The following TMC1 variants were observed in gnomAD, a reference collection of about 807,000 sequenced individuals.
TMC1 encodes the protein transmembrane channel like 1.
In TMC1, 84 loss-of-function variants were observed where a neutral mutation model predicts 105.8. The observed-to-expected ratio is 0.79, with a 90% CI of 0.67 to 0.95. TMC1 has a LOEUF of 0.95. TMC1 is among the 40% of genes least tolerant of loss of function. The pLI is 0.00. For synonymous variants in TMC1, 315 were observed against 311.5 expected (o/e 1.01, Z -0.12); for missense variants, 817 against 914.1 (o/e 0.89, Z 1.37).
chr9:72,820,727 T>A, intron 19 of TMC1, 115 bp from the exon 20 acceptor site: 1 of 1,267,390 alleles, frequency 7.9e-7, no homozygotes, highest in Non-Finnish European at 1.1e-6. Flanking sequence ...TGGTTGAAAG[T>A]GGCAGTGTAT....
intron 13 of TMC1, among the ~76,000 whole-genome samples, chr9:72,779,969 C>G (rs1828066492): frequency 6.6e-6 from 1 of 152,092 alleles, no homozygotes; most frequent in African/African-American, 2.4e-5. Flanking sequence ...CCCACAGATT[C>G]TTTAAGGTCA....
intron 23 of TMC1, among the ~76,000 whole-genome samples, chr9:72,832,475 C>T (rs1375093058): frequency 6.6e-6 from 1 of 152,180 alleles, no homozygotes; most frequent in Non-Finnish European, 1.5e-5. Flanking sequence ...TGTATCCATC[C>T]TTGTGCCAGT....
At chr9:72,802,652 C>A (rs934982618) in intron 17 of TMC1, among the ~76,000 whole-genome samples, 4 of 152,100 alleles carry the variant, frequency 2.6e-5, no homozygotes, top group Non-Finnish European at 5.9e-5. Flanking sequence ...AATAAAGAGA[C>A]CATGTACCAG....
chr9:72,694,504 C>T (rs943175390), intron 6 of TMC1, 39 bp from the exon 7 acceptor site: 1 of 1,599,446 alleles, frequency 6.3e-7, no homozygotes, highest in Middle Eastern at 1.7e-4. Flanking sequence ...GGAGGAAGCA[C>T]TTTCTGACAT....
At chr9:72,772,145 C>T (rs911059882) in intron 12 of TMC1, among the ~76,000 whole-genome samples, 4 of 152,054 alleles carry the variant, frequency 2.6e-5, no homozygotes, top group African/African-American at 7.2e-5. Flanking sequence ...GGGCATTTCA[C>T]GGTAATGGCT....
intron 2 of TMC1, among the ~76,000 whole-genome samples, chr9:72,613,710 A>G (rs1564445129): frequency 1.3e-5 from 2 of 152,048 alleles, no homozygotes; most frequent in African/African-American, 2.4e-5. Flanking sequence ...TGGCTGAACC[A>G]TCCAAAAATA....
At chr9:72,727,709 A>G (rs1425376749) in intron 8 of TMC1, among the ~76,000 whole-genome samples, 1 of 152,098 alleles carries the variant, frequency 6.6e-6, no homozygotes, top group Non-Finnish European at 1.5e-5. Context: ...GTTTTAGGTC[A>G]CATTCTCCCC....
intron 12 of TMC1, among the ~76,000 whole-genome samples, chr9:72,758,106 A>G (rs1186680399): frequency 6.6e-6 from 1 of 152,234 alleles, no homozygotes; most frequent in Admixed American, 6.5e-5. Context: ...TGCTTTAAGG[A>G]ATTTTATATG....
In TMC1 at chr9:72,836,150, G is replaced by T; in HGVS notation, c.*177G>T. On this transcript the variant is annotated 3_prime_UTR_variant, in exon 24 of 24. Coordinates refer to ENST00000297784, the MANE Select transcript of TMC1 (RefSeq NM_138691.3). ...ATCATCAGTCCTACCTGAGCAACAA[G>T]AATCTAAACTTTATTCCAAGTCAGA... The T allele has an allele frequency of 1.4e-6, 1 of 733,518 alleles. No individual in the cohort carries two copies. Among genetic ancestry groups the T allele is most frequent in the Non-Finnish European group, 2.4e-6 (1 of 409,422 alleles). 45.4% of individuals were successfully genotyped at this position (733,518 alleles called of 1,614,324 possible).
intron 8 of TMC1, among the ~76,000 whole-genome samples, chr9:72,728,331 G>C (rs1827156368): frequency 6.6e-6 from 1 of 152,176 alleles, no homozygotes. Context: ...TTGTCATGCA[G>C]ATTCCTCTGG....
intron 3 of TMC1, among the ~76,000 whole-genome samples, chr9:72,617,902 ATG>A (rs1350894291): frequency 1.5e-5 from 2 of 134,326 alleles, no homozygotes; most frequent in South Asian, 2.7e-4. Flanking sequence ...CAAGAAGTCT[ATG>A]TGTGGTGTGT....
chr9:72,644,513 C>G (rs1206851872), intron 4 of TMC1, among the ~76,000 whole-genome samples: 3 of 151,978 alleles, frequency 2.0e-5, no homozygotes, highest in Admixed American at 2.0e-4. Context: ...ATTGAAAAGA[C>G]TAATTTCTCC....
At chr9:72,811,462 T>A (rs1184716630) in intron 18 of TMC1, among the ~76,000 whole-genome samples, 2 of 152,204 alleles carry the variant, frequency 1.3e-5, no homozygotes, top group African/African-American at 2.4e-5. Flanking sequence ...GGAAGGATTT[T>A]AACTGCTCTA....
intron 2 of TMC1, among the ~76,000 whole-genome samples, chr9:72,598,335 G>A (rs1358090173): frequency 6.9e-6 from 1 of 145,716 alleles, no homozygotes; most frequent in Admixed American, 6.9e-5. Flanking sequence ...ACTGAAAGGG[G>A]CCCATACAGA....
At chr9:72,788,285 AT>A in intron 13 of TMC1, 53 bp from the exon 14 acceptor site, 10 of 1,604,816 alleles carry the variant, frequency 6.2e-6, no homozygotes, top group Non-Finnish European at 4.3e-6. Flanking sequence ...TTTTGTTGCT[AT>A]TTCCCCTATC....
At chr9:72,574,861 C>T (rs190082803) in intron 1 of TMC1, among the ~76,000 whole-genome samples, 2 of 152,250 alleles carry the variant, frequency 1.3e-5, no homozygotes, top group Admixed American at 6.5e-5. Context: ...TGAAATTGCT[C>T]CCTCATTGTA....
At chr9:72,782,326 A>G (rs1401746352) in intron 13 of TMC1, among the ~76,000 whole-genome samples, 1 of 152,176 alleles carries the variant, frequency 6.6e-6, no homozygotes, top group East Asian at 1.9e-4. Context: ...ATAATGAGCC[A>G]TCTATGTTAA....
chr9:72,772,652 T>A (rs1827949577), intron 13 of TMC1, 97 bp downstream of exon 13: 1 of 1,497,674 alleles, frequency 6.7e-7, no homozygotes. Flanking sequence ...TGCTATTTTA[T>A]GTCTAAAGGA....
intron 5 of TMC1, among the ~76,000 whole-genome samples, chr9:72,684,836 C>G (rs954167268): frequency 1.2e-4 from 18 of 152,172 alleles, no homozygotes; most frequent in Non-Finnish European, 2.9e-5. Flanking sequence ...TCCTTGATTT[C>G]TCTATTTCTC....
Sources: allele counts gnomAD v4.1 joint callset (sites outside exome capture counted in the v4.1 genomes callset), GRCh38; gene constraint gnomAD v4.1.1; transcripts MANE v1.5; gene names NCBI Gene and HGNC (gene_info 2026-07-23, HGNC 2026-07-21).